AGTPBP1: variants seen among roughly 807,000 people sequenced by gnomAD.
AGTPBP1 encodes the protein cytosolic carboxypeptidase 1.
AGTPBP1 carries 70 observed loss-of-function variants against 143.9 expected under a neutral mutation model. The ratio of observed to expected loss-of-function variants is 0.49; its 90% CI spans 0.40 to 0.59. AGTPBP1 has a LOEUF of 0.59. Among genes scored for constraint, AGTPBP1 ranks in the 20% least tolerant of loss-of-function variants. The pLI, the probability that AGTPBP1 is intolerant of heterozygous loss-of-function variation, is 0.00. For missense variants in AGTPBP1, 1,229 were observed against 1,464.5 expected (o/e 0.84, Z 2.62); for synonymous variants, 463 against 500.2 (o/e 0.93, Z 0.99).
the AGTPBP1 span, among the ~76,000 whole-genome samples, chr9:85,766,607 T>C: frequency 3.3e-5 from 5 of 151,924 alleles, no homozygotes; most frequent in Non-Finnish European, 5.9e-5. Context: ...TGGACTGGGG[T>C]TTGAGGGAAT....
At chr9:85,622,593 CTTTTAA>C (rs1831005835) in intron 14 of AGTPBP1, among the ~76,000 whole-genome samples, 1 of 151,922 alleles carries the variant, frequency 6.6e-6, no homozygotes, top group Admixed American at 6.6e-5. Context: ...GAATAATTTA[CTTTTAA>C]TTTTATTCTA....
intron 25 of AGTPBP1, among the ~76,000 whole-genome samples, chr9:85,563,132 G>C (rs892581238): frequency 6.6e-6 from 1 of 152,224 alleles, no homozygotes; most frequent in Non-Finnish European, 1.5e-5. Flanking sequence ...TCCAGTGTAC[G>C]GTATTTTGTC....
intron 2 of AGTPBP1, among the ~76,000 whole-genome samples, chr9:85,711,692 G>A (rs1051848781): frequency 4.6e-5 from 7 of 151,710 alleles, no homozygotes; most frequent in African/African-American, 1.5e-4. Context: ...CACCCGCCTC[G>A]ACCTCCCAAA....
chr9:85,632,745 T>C lies in AGTPBP1; in HGVS notation c.1932A>G (p.Ser644=). 1 of 1,614,176 alleles carries C rather than the reference T, an allele frequency of 6.2e-7. No homozygotes were observed. The highest frequency in any genetic ancestry group is 8.5e-7 in the Non-Finnish European group (1 of 1,180,010). Residue 644 remains serine, a synonymous_variant, in exon 14 of 26, where the codon TCA becomes TCG. Transcript: ENST00000357081. ...VKNTKSVPEY[S]EVAYPDYFGH... is the part of the protein sequence containing the mutation. ...CAAAATAATCGGGATAAGCCACCTC[T>C]GAATATTCTGGGACAGACTTCGTAT...
intron 25 of AGTPBP1, among the ~76,000 whole-genome samples, chr9:85,561,968 A>AT (rs1428121763): frequency 6.6e-6 from 1 of 151,716 alleles, no homozygotes; most frequent in Non-Finnish European, 1.5e-5. Flanking sequence ...AGTAGCTAGG[A>AT]TTACAGGCAC....
At chr9:85,784,982 T>C in the AGTPBP1 span, among the ~76,000 whole-genome samples, 2 of 152,248 alleles carry the variant, frequency 1.3e-5, no homozygotes, top group African/African-American at 4.8e-5. Context: ...ACCATGTCTA[T>C]GGGCCAGATT....
the AGTPBP1 span, among the ~76,000 whole-genome samples, chr9:85,761,777 A>G: frequency 6.6e-6 from 1 of 152,238 alleles, no homozygotes; most frequent in Non-Finnish European, 1.5e-5. Flanking sequence ...GACAAATGGG[A>G]TCTAATTAAA....
At chr9:85,768,290 T>C in the AGTPBP1 span, among the ~76,000 whole-genome samples, 1 of 152,226 alleles carries the variant, frequency 6.6e-6, no homozygotes, top group African/African-American at 2.4e-5. Flanking sequence ...ACTCTTCACA[T>C]TTGTTTTTGA....
intron 2 of AGTPBP1, among the ~76,000 whole-genome samples, chr9:85,695,335 A>C (rs1290990364): frequency 1.3e-5 from 2 of 152,136 alleles, no homozygotes; most frequent in Non-Finnish European, 2.9e-5. Flanking sequence ...TCTGGTTCTT[A>C]AATGTTTGTT....
At chr9:85,598,830 C>T (rs902977168) in intron 17 of AGTPBP1, among the ~76,000 whole-genome samples, 5 of 152,122 alleles carry the variant, frequency 3.3e-5, no homozygotes, top group Non-Finnish European at 5.9e-5. Context: ...AGTGATTCTC[C>T]TGCCTCAGCC....
upstream of AGTPBP1, chr9:85,742,086 C>T (rs1824362247): frequency 9.2e-7 from 1 of 1,092,208 alleles, no homozygotes; most frequent in Non-Finnish European, 1.1e-6. Context: ...CGCACGCCCT[C>T]TTCCCGCCGC....
intron 4 of AGTPBP1, among the ~76,000 whole-genome samples, chr9:85,679,347 C>G (rs920197841): frequency 6.6e-6 from 1 of 152,046 alleles, no homozygotes; most frequent in Non-Finnish European, 1.5e-5. Context: ...CTGAGCATAG[C>G]CTTTACATGG....
the AGTPBP1 span, among the ~76,000 whole-genome samples, chr9:85,763,572 T>A: frequency 1.3e-4 from 20 of 151,676 alleles, no homozygotes; most frequent in African/African-American, 4.8e-4. Context: ...GTTATAATAA[T>A]GAAAATGAAT....
chr9:85,803,094 C>A, the AGTPBP1 span, among the ~76,000 whole-genome samples: 1 of 152,144 alleles, frequency 6.6e-6, no homozygotes, highest in Non-Finnish European at 1.5e-5. Context: ...ACTACTTTCT[C>A]CCACTGTCCA....
upstream of AGTPBP1, chr9:85,742,141 G>T: frequency 3.8e-6 from 3 of 789,254 alleles, no homozygotes; most frequent in Non-Finnish European, 4.9e-6. Context: ...CTCTCTGCGC[G>T]CCTGACGGGA....
chr9:85,723,198 G>A (rs1490638626), intron 1 of AGTPBP1, among the ~76,000 whole-genome samples: 1 of 152,248 alleles, frequency 6.6e-6, no homozygotes, highest in Non-Finnish European at 1.5e-5. Flanking sequence ...GAGAGCCACT[G>A]CTCTCTTCAG....
At chr9:85,712,062 G>A (rs186045831) in intron 2 of AGTPBP1, among the ~76,000 whole-genome samples, 6 of 152,132 alleles carry the variant, frequency 3.9e-5, no homozygotes, top group South Asian at 2.1e-4. Context: ...TCAGGAGTTC[G>A]AGACCAGCCT....
At chr9:85,615,012 T>C (rs1416220317) in intron 17 of AGTPBP1, among the ~76,000 whole-genome samples, 1 of 152,150 alleles carries the variant, frequency 6.6e-6, no homozygotes, top group Non-Finnish European at 1.5e-5. Context: ...GGCTCAGGTA[T>C]GCAGTTGTAA....
chr9:85,761,795 G>A, the AGTPBP1 span, among the ~76,000 whole-genome samples: 1 of 152,148 alleles, frequency 6.6e-6, no homozygotes, highest in African/African-American at 2.4e-5. Context: ...AAACTAAAGA[G>A]CTTCTGCACA....
Sources: gnomAD v4.1 joint callset for allele counts (sites outside exome capture counted in the v4.1 genomes callset) on GRCh38, gnomAD v4.1.1 for gene constraint, MANE v1.5 for transcripts, NCBI Gene and HGNC (gene_info 2026-07-23, HGNC 2026-07-21) for gene names.